The following SEZ6L variants were observed in gnomAD, a reference collection of about 807,000 sequenced individuals.
The protein encoded by SEZ6L is seizure related 6 homolog like.
In SEZ6L, 37 loss-of-function variants were observed where a neutral mutation model predicts 106.2. The ratio of observed to expected loss-of-function variants is 0.35; its 90% CI spans 0.27 to 0.46. The LOEUF (loss-of-function observed/expected upper bound fraction) is 0.46, where lower values mean the gene tolerates loss of function less well. Among genes scored for constraint, SEZ6L ranks in the 20% least tolerant of loss-of-function variants. SEZ6L has a pLI of 1.00. For synonymous variants in SEZ6L, 541 were observed against 570.4 expected (o/e 0.95, Z 0.73); for missense variants, 1,172 against 1,332.8 (o/e 0.88, Z 1.88).
intron 1 of SEZ6L, among the ~76,000 whole-genome samples, chr22:26,204,553 A>C (rs1941181511): frequency 6.6e-6 from 1 of 152,270 alleles, no homozygotes; most frequent in Non-Finnish European, 1.5e-5. Context: ...GGTATAACTT[A>C]AATCCAGGCA....
chr22:26,343,807 T>A (rs1230031949), intron 10 of SEZ6L, among the ~76,000 whole-genome samples: 2 of 152,220 alleles, frequency 1.3e-5, no homozygotes, highest in Non-Finnish European at 2.9e-5. Context: ...TTGTTATTCC[T>A]GTTAAAGAAA....
At chr22:26,342,460 C>T (rs1417875200) in intron 10 of SEZ6L, among the ~76,000 whole-genome samples, 5 of 151,628 alleles carry the variant, frequency 3.3e-5, no homozygotes, top group East Asian at 1.9e-4. Context: ...GAGGCTGAGG[C>T]GGGCAGATTA....
At position 26,377,648 on chromosome 22, in the gene SEZ6L, C is replaced by A. The variant is rs200037314; in HGVS notation, c.2943-25C>A. On this transcript the variant is annotated intron_variant, in intron 15 of 16. Coordinates refer to ENST00000248933, the MANE Select transcript of SEZ6L (RefSeq NM_021115.5). Reference sequence around the variant, plus strand: ...GTTTCTCCTAGCTGGGGAGAAGTAACTTCTCTCTCCTTTCTTTCCCCCAGA... The same window carrying A: ...GTTTCTCCTAGCTGGGGAGAAGTAAATTCTCTCTCCTTTCTTTCCCCCAGA... 673 of 1,560,322 alleles carry A rather than the reference C, an allele frequency of 4.3e-4. 1 individual carries two copies. The highest frequency in any genetic ancestry group is 5.5e-4 in the Non-Finnish European group (627 of 1,131,414).
At chr22:26,251,337 AGTT>A (rs988689636) in intron 1 of SEZ6L, among the ~76,000 whole-genome samples, 2 of 30,436 alleles carry the variant, frequency 6.6e-5, no homozygotes, top group African/African-American at 1.5e-4. Flanking sequence ...ATTTGTTGAA[AGTT>A]TTTTTTTTTT....
At position 26,292,215 on chromosome 22, in the gene SEZ6L, A is replaced by G. The variant is rs2081147715; in HGVS notation, c.95-191A>G. 6 of 520,428 alleles carry G rather than the reference A, an allele frequency of 1.2e-5. No individual in the cohort carries two copies. The South Asian group carries it at 1.9e-4, about 17-fold the overall frequency. The allele number at this position is 520,428 out of a possible 1,614,324, so 32.2% of individuals were successfully genotyped here. ...GGGTGGGAGGAAAAGAAGGAAGAAA[A>G]GAGAAAGAGGGAGAGAGGGAAGGAG... is the stretch of plus-strand genomic sequence containing the variant. On this transcript the variant is annotated intron_variant, in intron 1 of 16. Transcript: ENST00000248933.
chr22:26,223,537 G>A (rs1007416736), intron 1 of SEZ6L, among the ~76,000 whole-genome samples: 1 of 152,110 alleles, frequency 6.6e-6, no homozygotes, highest in Non-Finnish European at 1.5e-5. Context: ...TGGGAGCTAA[G>A]AATGTGGATT....
rs1307277497 is a variant in SEZ6L at position 26,383,062 on chromosome 22, CT to C, written c.*2772del. On this transcript the variant is annotated 3_prime_UTR_variant, in exon 17 of 17. Transcript: ENST00000248933. ...CAACCCTCTTTAGCTTGGAGCTCAG[CT>C]TTTTGCTTTTTTTTTTTTTTTTTTG... The C allele has an allele frequency of 3.9e-5, 5 of 129,234 alleles. No individual in the cohort carries two copies. The South Asian group carries it at 1.3e-3, about 32-fold the overall frequency. The allele number at this position is 129,234 out of a possible 1,614,324, so 8.0% of individuals were successfully genotyped here.
At chr22:26,182,593 A>G (rs1428682654) in intron 1 of SEZ6L, among the ~76,000 whole-genome samples, 1 of 152,002 alleles carries the variant, frequency 6.6e-6, no homozygotes, top group Non-Finnish European at 1.5e-5. Context: ...GGCCTTTCCC[A>G]AGTGTCTTGA....
intron 1 of SEZ6L, among the ~76,000 whole-genome samples, chr22:26,285,243 AGAATGAAT>A (rs138251564): frequency 6.6e-6 from 1 of 152,152 alleles, no homozygotes; most frequent in South Asian, 2.1e-4. Flanking sequence ...TAATAAGTGC[AGAATGAAT>A]GAATGAATGA....
intron 1 of SEZ6L, among the ~76,000 whole-genome samples, chr22:26,285,074 T>TGACC (rs2080893011): frequency 6.6e-6 from 1 of 152,210 alleles, no homozygotes; most frequent in Non-Finnish European, 1.5e-5. Context: ...TGCAACTGAC[T>TGACC]GATAGGGAAG....
chr22:26,328,116 A>G (rs2082375755), intron 9 of SEZ6L, among the ~76,000 whole-genome samples: 1 of 152,156 alleles, frequency 6.6e-6, no homozygotes, highest in South Asian at 2.1e-4. Context: ...GCCATTGTTA[A>G]TGGACTTTTT....
chr22:26,216,186 C>G (rs903683957), intron 1 of SEZ6L, among the ~76,000 whole-genome samples: 1 of 152,136 alleles, frequency 6.6e-6, no homozygotes, highest in African/African-American at 2.4e-5. Context: ...CCAGGGAGAG[C>G]TGGGACCTTG....
chr22:26,172,301 T>C (rs1018683507), intron 1 of SEZ6L, among the ~76,000 whole-genome samples: 2 of 152,194 alleles, frequency 1.3e-5, no homozygotes, highest in African/African-American at 4.8e-5. Flanking sequence ...GGCATTATTT[T>C]CCATAGAGTT....
chr22:26,213,155 C>T (rs928523386), intron 1 of SEZ6L, among the ~76,000 whole-genome samples: 29 of 152,174 alleles, frequency 1.9e-4, no homozygotes, highest in African/African-American at 6.8e-4. Context: ...TTTAACTTAG[C>T]CATATAGTCT....
At chr22:26,182,789 C>A (rs140745196) in intron 1 of SEZ6L, among the ~76,000 whole-genome samples, 267 of 151,854 alleles carry the variant, frequency 1.8e-3, no homozygotes, top group Non-Finnish European at 3.0e-3. Context: ...AAGTTCCAAG[C>A]AGAAGGCAGG....
chr22:26,236,263 A>G (rs1474896572), intron 1 of SEZ6L, among the ~76,000 whole-genome samples: 1 of 152,180 alleles, frequency 6.6e-6, no homozygotes, highest in Non-Finnish European at 1.5e-5. Flanking sequence ...GAGATTCGGC[A>G]TGGCCAACCC....
intron 1 of SEZ6L, among the ~76,000 whole-genome samples, chr22:26,231,247 G>A (rs937098001): frequency 1.3e-5 from 2 of 152,220 alleles, no homozygotes; most frequent in African/African-American, 4.8e-5. Context: ...TCTAGGATGA[G>A]GGTGGTAACT....
intron 9 of SEZ6L, among the ~76,000 whole-genome samples, chr22:26,338,378 C>T (rs1455467486): frequency 1.3e-5 from 2 of 152,086 alleles, no homozygotes; most frequent in Non-Finnish European, 2.9e-5. Flanking sequence ...GCCTTCTCCC[C>T]ATCATTCATT....
rs373874166 is a variant in SEZ6L, at chr22:26,223,926, A to G, written c.94+54163A>G. Among the ~76,000 whole-genome samples the G allele has an allele frequency of 3.9e-4, 59 of 152,302 alleles. No homozygotes were observed. In the East Asian group the frequency reaches 7.3e-3, roughly 19 times the overall value. ...GTCTGGATCTGATAATTCATCACTT[A>G]CTAAATTTGACCCATCATTTTTGCT... On this transcript the variant is annotated intron_variant, in intron 1 of 16. Coordinates refer to ENST00000248933, the MANE Select transcript of SEZ6L (RefSeq NM_021115.5).
Sources: gnomAD v4.1 joint callset for allele counts (sites outside exome capture counted in the v4.1 genomes callset) on GRCh38, gnomAD v4.1.1 for gene constraint, MANE v1.5 for transcripts, NCBI Gene and HGNC (gene_info 2026-07-23, HGNC 2026-07-21) for gene names.